The following TPH1 variants were observed in gnomAD, a reference collection of about 807,000 sequenced individuals.
TPH1 encodes the protein tryptophan hydroxylase 1.
Under a neutral mutation model 49.5 loss-of-function variants are expected in TPH1, and 37 were observed. The ratio of observed to expected loss-of-function variants is 0.75; its 90% CI spans 0.58 to 0.98. The LOEUF is 0.98. Ranked by LOEUF, TPH1 falls within the 50% of genes least tolerant of loss-of-function variation. The pLI is 0.00. For synonymous variants in TPH1, 160 were observed against 182.1 expected, an observed-to-expected ratio of 0.88 and a Z score of 0.98; for missense variants, 487 against 523.6, an observed-to-expected ratio of 0.93 and a Z score of 0.68.
chr11:18,036,135 T>G lies in TPH1; in HGVS notation c.125A>C (p.His42Pro), dbSNP rs1848046605. ...GGACTCGATATGTAACAGATTCACA[T>G]GCTTCTCCTGTGTAAAGCACAGGGA... ...IKALKIFQEK[H>P]VNLLHIESRK... is the part of the protein sequence containing the mutation. The change falls in exon 3 of 11, where the codon CAT (histidine) becomes CCT (proline). Residue 42 changes from histidine to proline, a missense_variant. His to Pro is a moderately conservative substitution (Grantham distance 77). Coordinates refer to ENST00000682019, the MANE Select transcript of TPH1 (RefSeq NM_004179.3). 1 of 1,612,560 alleles carries G rather than the reference T, an allele frequency of 6.2e-7. No homozygotes were observed. The highest frequency in any genetic ancestry group is 1.3e-5 in the African/African-American group (1 of 74,904).
intron 3 of TPH1, among the ~76,000 whole-genome samples, chr11:18,035,432 C>CTTT (rs112992467): frequency 4.5e-5 from 6 of 132,004 alleles, no homozygotes; most frequent in South Asian, 2.4e-4. Context: ...TCTTTCCTTT[C>CTTT]TTTTTTTTTT....
rs1468744475 is a variant in TPH1 at position 18,018,461 on chromosome 11, T to C, written c.*2530A>G. 1 of 151,676 alleles carries C rather than the reference T, an allele frequency of 6.6e-6. No homozygotes were observed. Among genetic ancestry groups the C allele is most frequent in the Non-Finnish European group, 1.5e-5 (1 of 67,986 alleles). 9.4% of individuals were successfully genotyped at this position (151,676 alleles called of 1,614,324 possible). A position where few individuals can be genotyped will look rare whatever the true frequency, so the allele number is the denominator to read the frequency against. ...GTGGGCAGATCACAATGTCAGGAGA[T>C]TGAAACCATCCTGGCTAACACGGTG... On this transcript the variant is annotated 3_prime_UTR_variant, in exon 11 of 11. Transcript: ENST00000682019.
Position 18,020,923 on chromosome 11 carries a change from C to A in TPH1, c.*68G>T. ...TGCTGTCCCTCCAGGATCAGGTGTT[C>A]AAGGAAAGCAAGAGATGGCCCAGAC... is the stretch of plus-strand genomic sequence containing the variant. On this transcript the variant is annotated 3_prime_UTR_variant, in exon 11 of 11. Transcript: ENST00000682019. 6.7e-7 allele frequency: 1 copy of A among 1,484,722 alleles called. No homozygotes were observed. The highest frequency in any genetic ancestry group is 9.4e-7 in the Non-Finnish European group (1 of 1,062,776). 92.0% of individuals were successfully genotyped at this position (1,484,722 alleles called of 1,614,324 possible). A position where few individuals can be genotyped will look rare whatever the true frequency, so the allele number is the denominator to read the frequency against.
intron 4 of TPH1, among the ~76,000 whole-genome samples, chr11:18,032,353 A>G (rs975129432): frequency 1.3e-5 from 2 of 151,990 alleles, no homozygotes; most frequent in African/African-American, 4.8e-5. Context: ...CCAATAACCC[A>G]TGCTCATTTA....
intron 10 of TPH1, among the ~76,000 whole-genome samples, chr11:18,021,865 G>C (rs1854367291): frequency 6.6e-6 from 1 of 152,154 alleles, no homozygotes; most frequent in Non-Finnish European, 1.5e-5. Flanking sequence ...GGATAAATGT[G>C]AAGCTGAGGA....
chr11:18,039,334 C>T (rs1455819168), intron 2 of TPH1, among the ~76,000 whole-genome samples: 3 of 152,142 alleles, frequency 2.0e-5, no homozygotes, highest in African/African-American at 7.2e-5. Context: ...GTAGAGTTCT[C>T]ATTTTATGGA....
chr11:18,039,153 T>C (rs1451583436), intron 2 of TPH1, among the ~76,000 whole-genome samples: 2 of 152,244 alleles, frequency 1.3e-5, no homozygotes, highest in Non-Finnish European at 2.9e-5. Context: ...AGACTATCTA[T>C]ATTTAAGATT....
chr11:18,026,737 C>T (rs1195088569), intron 6 of TPH1, 112 bp from the exon 7 acceptor site: 1 of 1,339,552 alleles, frequency 7.5e-7, no homozygotes, highest in East Asian at 2.4e-5. Flanking sequence ...GGCATGGAAA[C>T]TATAATTTAT....
chr11:18,024,454 A>T (rs1847907617), intron 8 of TPH1, among the ~76,000 whole-genome samples: 1 of 152,200 alleles, frequency 6.6e-6, no homozygotes, highest in African/African-American at 2.4e-5. Context: ...CTGCTTCTGT[A>T]GTTAACCTTT....
rs1196849909 is a variant in TPH1 at position 18,019,863 on chromosome 11, C to T, written c.*1128G>A. On this transcript the variant is annotated 3_prime_UTR_variant, in exon 11 of 11. Transcript: ENST00000682019. The stretch of plus-strand genomic sequence containing the variant: ...AGCTGACTCTGCATAAAAACCATTC[C>T]TTGGCAATCCTTACATTACTTACAG... The T allele has an allele frequency of 1.5e-5, 6 of 398,242 alleles. No homozygotes were observed. Among genetic ancestry groups the T allele is most frequent in the African/African-American group, 1.0e-4 (5 of 48,082 alleles). The allele number at this position is 398,242 out of a possible 1,614,324, so 24.7% of individuals were successfully genotyped here.
chr11:18,040,187 G>A lies in TPH1; in HGVS notation c.117+459C>T, dbSNP rs577703310. On this transcript the variant is annotated intron_variant, in intron 2 of 10. Coordinates refer to ENST00000682019, the MANE Select transcript of TPH1 (RefSeq NM_004179.3). The stretch of plus-strand genomic sequence containing the variant: ...GTGAATCTTTTCTCCCCCATTTCTC[G>A]AAGTAGCTATTTGTATCTCCTCTTC... 6.1e-5 allele frequency among the ~76,000 whole-genome samples: 9 copies of A among 148,364 alleles called. No individual in the cohort carries two copies. The East Asian group carries it at 7.8e-4, about 13-fold the overall frequency.
chr11:18,025,528 C>G (rs1264656810), intron 8 of TPH1, 47 bp downstream of exon 8: 1 of 1,612,086 alleles, frequency 6.2e-7, no homozygotes, highest in South Asian at 1.1e-5. Flanking sequence ...CACAGATACT[C>G]ATACACCCTA....
intron 3 of TPH1, among the ~76,000 whole-genome samples, chr11:18,033,689 G>A (rs1165758033): frequency 6.6e-6 from 1 of 152,072 alleles, no homozygotes; most frequent in Non-Finnish European, 1.5e-5. Context: ...TTCAACAAAA[G>A]CAGAATAAAG....
At chr11:18,045,074 CTTAGT>C (rs1370361690) in intron 1 of TPH1, among the ~76,000 whole-genome samples, 2 of 152,196 alleles carry the variant, frequency 1.3e-5, no homozygotes, top group African/African-American at 4.8e-5. Flanking sequence ...CTTTTCTTCC[CTTAGT>C]TTAATCAGTA....
chr11:18,025,062 A>G (rs1460863698), intron 8 of TPH1, among the ~76,000 whole-genome samples: 1 of 152,238 alleles, frequency 6.6e-6, no homozygotes, highest in Non-Finnish European at 1.5e-5. Flanking sequence ...CAAACAGTAT[A>G]TAAGCTCCTT....
In TPH1 at chr11:18,026,391, AC is replaced by A. The variant is rs1434661675; in HGVS notation, c.803+98del. 231 of 982,036 alleles carry A rather than the reference AC, an allele frequency of 2.4e-4. No homozygotes were observed. The East Asian group carries it at 5.6e-3, about 24-fold the overall frequency. 60.8% of individuals were successfully genotyped at this position (982,036 alleles called of 1,614,324 possible). A position where few individuals can be genotyped will look rare whatever the true frequency, so the allele number is the denominator to read the frequency against. Reference sequence around the variant, plus strand: ...GTGCTAATTTATTTAATCCTCGCACACCAAAAAAAAAAAAAAAAAAAAAAAA... The same window carrying A: ...GTGCTAATTTATTTAATCCTCGCACACAAAAAAAAAAAAAAAAAAAAAAAA... On this transcript the variant is annotated intron_variant, in intron 7 of 10. Coordinates refer to ENST00000682019, the MANE Select transcript of TPH1 (RefSeq NM_004179.3).
Position 18,021,149 on chromosome 11 carries a change from T to C in TPH1, c.1177A>G (p.Ile393Val). Residue 393 changes from isoleucine to valine, a missense_variant, in exon 11 of 11, where the codon ATT becomes GTT. Ile to Val is a conservative substitution (Grantham distance 29). Coordinates refer to ENST00000682019, the MANE Select transcript of TPH1 (RefSeq NM_004179.3). ...TACTTCACTCCAAATGGACGCTTAA[T>C]TGTTTTGGTAAATTCTCTATTTAAG... ...KEKMREFTKT[I>V]KRPFGVKYNP... The C allele has an allele frequency of 6.2e-7, 1 of 1,614,026 alleles. No homozygotes were observed.
In TPH1 at chr11:18,019,642, A is replaced by G. The variant is rs1358429735; in HGVS notation, c.*1349T>C. ...AATAGAGGAGTCATTCAAAATAAGAACTGAAGTCATGTATCTGGGTGACAT... is the reference window on the plus strand; with the variant it reads ...AATAGAGGAGTCATTCAAAATAAGAGCTGAAGTCATGTATCTGGGTGACAT... On this transcript the variant is annotated 3_prime_UTR_variant, in exon 11 of 11. Transcript: ENST00000682019. 2.2e-6 allele frequency: 1 copy of G among 458,714 alleles called. No homozygotes were observed. Among genetic ancestry groups the G allele is most frequent in the African/African-American group, 2.0e-5 (1 of 50,224 alleles). 28.4% of individuals were successfully genotyped at this position (458,714 alleles called of 1,614,324 possible).
rs1343291764 is a variant in TPH1 at position 18,027,577 on chromosome 11, GTTAGTT to G, written c.668-958_668-953del. On this transcript the variant is annotated intron_variant, in intron 6 of 10. Coordinates refer to ENST00000682019, the MANE Select transcript of TPH1 (RefSeq NM_004179.3). ...CTTCCAACTTTTGCTTGAACTTTCT[GTTAGTT>G]TTGATTTCTCTTTGGTATTTGACCT... Among the ~76,000 whole-genome samples the G allele has an allele frequency of 2.0e-5, 3 of 152,230 alleles. No homozygotes were observed. The East Asian group carries it at 5.8e-4, about 29-fold the overall frequency.
Sources: allele counts gnomAD v4.1 joint callset (sites outside exome capture counted in the v4.1 genomes callset), GRCh38; gene constraint gnomAD v4.1.1; transcripts MANE v1.5; gene names NCBI Gene and HGNC (gene_info 2026-07-23, HGNC 2026-07-21).